Variants in SBF2 observed in about 807,000 individuals in gnomAD.
The protein encoded by SBF2 is SET binding factor 2, also known as myotubularin-related protein 13.
In SBF2, 112 loss-of-function variants were observed where a neutral mutation model predicts 225.2. The ratio of observed to expected loss-of-function variants is 0.50; its 90% confidence interval spans 0.43 to 0.58. The LOEUF is 0.58. Ranked by LOEUF, SBF2 falls within the 20% of genes least tolerant of loss-of-function variation. SBF2 has a pLI of 0.00. For synonymous variants in SBF2, 763 were observed against 773.3 expected, an observed-to-expected ratio of 0.99 and a Z score of 0.22; for missense variants, 1,996 against 2,206.2, an observed-to-expected ratio of 0.90 and a Z score of 1.91.
rs565898184 is a variant in SBF2 at position 9,886,620 on chromosome 11, C to A, written c.1929+9323G>T. On this transcript the variant is annotated intron_variant, in intron 17 of 39. Transcript: ENST00000256190. ...TGCCTCTTTTTTTTTGAGACGAAGTCTCGCTCTGGAGTGCAGTAGCACCAT... is the reference window on the plus strand; with the variant it reads ...TGCCTCTTTTTTTTTGAGACGAAGTATCGCTCTGGAGTGCAGTAGCACCAT... Among the ~76,000 whole-genome samples the A allele has an allele frequency of 5.3e-5, 8 of 151,262 alleles. No individual in the cohort carries two copies. The East Asian group carries it at 1.4e-3, about 26-fold the overall frequency.
chr11:10,280,643 C>T (rs1020465917), intron 1 of SBF2, among the ~76,000 whole-genome samples: 5 of 152,206 alleles, frequency 3.3e-5, no homozygotes, highest in Admixed American at 3.3e-4. Context: ...TAATATGCTG[C>T]CTCTACTTCT....
At chr11:10,073,615 G>A (rs1488803667) in intron 2 of SBF2, among the ~76,000 whole-genome samples, 1 of 152,164 alleles carries the variant, frequency 6.6e-6, no homozygotes, top group Non-Finnish European at 1.5e-5. Flanking sequence ...TACTCAGGAG[G>A]CTGAGGCATG....
upstream of SBF2, among the ~76,000 whole-genome samples, chr11:10,295,897 C>T (rs1156566846): frequency 1.3e-5 from 2 of 152,126 alleles, no homozygotes; most frequent in East Asian, 3.8e-4. Flanking sequence ...GCAAAATTCA[C>T]ATATTGTAAA....
intron 6 of SBF2, among the ~76,000 whole-genome samples, chr11:10,020,207 G>C (rs1224200604): frequency 1.6e-4 from 25 of 152,104 alleles, no homozygotes. Flanking sequence ...CTCAGGAGTT[G>C]GGTGAGTGAG....
At chr11:9,833,930 C>G (rs1043837442) in intron 26 of SBF2, among the ~76,000 whole-genome samples, 9 of 151,286 alleles carry the variant, frequency 5.9e-5, no homozygotes, top group African/African-American at 1.9e-4. Flanking sequence ...GCCACCACGC[C>G]TGGCTAATTT....
intron 3 of SBF2, 141 bp from the exon 4 acceptor site, chr11:10,031,311 A>T (rs1949247846): frequency 2.5e-6 from 2 of 806,078 alleles, no homozygotes; most frequent in African/African-American, 3.5e-5. Context: ...AACTACAAAT[A>T]AAGAATAGAC....
intron 1 of SBF2, among the ~76,000 whole-genome samples, chr11:10,238,031 T>C (rs1277830095): frequency 6.6e-6 from 1 of 152,210 alleles, no homozygotes; most frequent in Non-Finnish European, 1.5e-5. Flanking sequence ...GCATAAGGTA[T>C]GAATATTTTG....
At chr11:10,245,785 A>T (rs1001676019) in intron 1 of SBF2, among the ~76,000 whole-genome samples, 5 of 152,262 alleles carry the variant, frequency 3.3e-5, no homozygotes, top group South Asian at 2.1e-4. Flanking sequence ...AAAATGTGGG[A>T]TATAAATACA....
chr11:9,856,615 C>G lies in SBF2; in HGVS notation c.2206G>C (p.Val736Leu). Residue 736 changes from valine (V) to leucine (L), a missense_variant, in exon 19 of 40, where the codon GTG becomes CTG. By Grantham distance (32) the Val-to-Leu change is conservative. Transcript: ENST00000256190. ...AAGACAGTGCTTTCCTCATGTTGCACTAGCTCTTGCTGAGTTGACTTGCTC... is the reference window on the plus strand; with the variant it reads ...AAGACAGTGCTTTCCTCATGTTGCAGTAGCTCTTGCTGAGTTGACTTGCTC... ...TLSKSTQQEL[V>L]QHEESTVFSQ... The G allele has an allele frequency of 6.2e-7, 1 of 1,614,150 alleles. No individual in the cohort carries two copies. Among genetic ancestry groups the G allele is most frequent in the Non-Finnish European group, 8.5e-7 (1 of 1,180,018 alleles).
intron 24 of SBF2, among the ~76,000 whole-genome samples, chr11:9,843,191 CTCTT>C (rs1431038871): frequency 1.3e-5 from 2 of 152,200 alleles, no homozygotes; most frequent in African/African-American, 2.4e-5. Flanking sequence ...TACTCAAACT[CTCTT>C]TCTACCAACT....
At chr11:10,171,225 G>C (rs1309102185) in intron 2 of SBF2, among the ~76,000 whole-genome samples, 1 of 152,014 alleles carries the variant, frequency 6.6e-6, no homozygotes, top group Non-Finnish European at 1.5e-5. Flanking sequence ...CTAGATATTA[G>C]AGGAAAGGCT....
intron 2 of SBF2, among the ~76,000 whole-genome samples, chr11:10,081,652 C>A (rs1057147139): frequency 6.7e-6 from 1 of 150,290 alleles, no homozygotes. Flanking sequence ...CCTAGCTACT[C>A]GGGAGGCTGA....
intron 16 of SBF2, among the ~76,000 whole-genome samples, chr11:9,942,140 C>T (rs574045219): frequency 3.0e-4 from 46 of 152,268 alleles, no homozygotes; most frequent in African/African-American, 7.7e-4. Context: ...GGCACAATCA[C>T]GGCTCACTGC....
chr11:9,862,055 C>T (rs553765375), intron 17 of SBF2, among the ~76,000 whole-genome samples: 82 of 152,214 alleles, frequency 5.4e-4, no homozygotes, highest in African/African-American at 1.9e-3. Flanking sequence ...CAGACACAAA[C>T]GGCTATGGCA....
intron 6 of SBF2, among the ~76,000 whole-genome samples, chr11:10,022,014 T>C (rs1418263863): frequency 1.3e-5 from 2 of 152,144 alleles, no homozygotes; most frequent in African/African-American, 2.4e-5. Context: ...TAGAGTAAAA[T>C]AAAATAATAA....
At chr11:10,258,109 CTT>C (rs1555098199) in intron 1 of SBF2, among the ~76,000 whole-genome samples, 14 of 133,452 alleles carry the variant, frequency 1.0e-4, no homozygotes, top group Non-Finnish European at 1.1e-4. Context: ...CACACACACA[CTT>C]TTTTTTTTTT....
At chr11:10,143,756 C>T (rs558971311) in intron 2 of SBF2, among the ~76,000 whole-genome samples, 18 of 151,184 alleles carry the variant, frequency 1.2e-4, no homozygotes, top group Non-Finnish European at 2.2e-4. Context: ...CTCGCTCTTT[C>T]GCCCAGGCCG....
intron 37 of SBF2, 153 bp downstream of exon 37, chr11:9,784,972 G>GAAACATCTAAAACATTAC: frequency 2.7e-6 from 2 of 750,710 alleles, no homozygotes; most frequent in Non-Finnish European, 4.4e-6. Flanking sequence ...TCTTTTCAAA[G>GAAACATCTAAAACATTAC]AAACATCTAA....
intron 24 of SBF2, among the ~76,000 whole-genome samples, chr11:9,845,207 G>C (rs945406665): frequency 2.6e-5 from 4 of 152,096 alleles, no homozygotes; most frequent in Non-Finnish European, 5.9e-5. Flanking sequence ...CCTGTTTCTA[G>C]ATAAAAGCAA....
Sources: allele counts gnomAD v4.1 joint callset (sites outside exome capture counted in the v4.1 genomes callset), GRCh38; gene constraint gnomAD v4.1.1; transcripts MANE v1.5; gene names NCBI Gene and HGNC (gene_info 2026-07-23, HGNC 2026-07-21).